TFEC: variants seen among roughly 807,000 people sequenced by gnomAD.
The protein encoded by TFEC is transcription factor EC, also known as class E basic helix-loop-helix protein 34.
In TFEC, 31 loss-of-function variants were observed where a neutral mutation model predicts 41.6. The ratio of observed to expected loss-of-function variants is 0.74; its 90% confidence interval spans 0.56 to 1.01. The LOEUF (loss-of-function observed/expected upper bound fraction) is 1.01, where lower values mean the gene tolerates loss of function less well. TFEC is among the 50% of genes least tolerant of loss of function. The pLI, the probability that TFEC is intolerant of heterozygous loss-of-function variation, is 0.00. For missense variants in TFEC, 402 were observed against 404.1 expected (o/e 0.99, Z 0.04); for synonymous variants, 143 against 140.6 (o/e 1.02, Z -0.12).
At chr7:116,041,568 G>A (rs73220421) in intron 3 of TFEC, among the ~76,000 whole-genome samples, 27,248 of 152,148 alleles carry the variant, frequency 0.18, 2,489 homozygotes, top group East Asian at 0.32. Flanking sequence ...ATCAAGAGCT[G>A]GTTATTAGCA....
intron 1 of TFEC, among the ~76,000 whole-genome samples, chr7:116,135,399 A>C (rs1048042400): frequency 6.6e-6 from 1 of 152,114 alleles, no homozygotes; most frequent in Non-Finnish European, 1.5e-5. Context: ...TTTATTCTCT[A>C]CCACATTTGG....
intron 1 of TFEC, among the ~76,000 whole-genome samples, chr7:116,146,801 A>C (rs189293569): frequency 3.3e-4 from 51 of 152,348 alleles, no homozygotes; most frequent in African/African-American, 1.2e-3. Flanking sequence ...CTTTTATAAT[A>C]ATCAGAAGAA....
chr7:115,940,620 A>G lies in TFEC; in HGVS notation c.975T>C (p.Thr325=), dbSNP rs747361248. 6.2e-7 allele frequency: 1 copy of G among 1,613,374 alleles called. No homozygotes were observed. Among genetic ancestry groups the G allele is most frequent in the Non-Finnish European group, 8.5e-7 (1 of 1,179,626 alleles). The change falls in exon 8 of 8, where the codon ACT becomes ACC. Residue 325 remains threonine, a synonymous_variant. Transcript: ENST00000265440. ...PFGTDPLLSA[T]SPAVSKESSR... ...TGCTTTCTTTGGAAACTGCAGGGGA[A>G]GTGGCAGATAGCAGAGGATCTGTTC...
chr7:115,956,742 T>C lies in TFEC; in HGVS notation c.319A>G (p.Ile107Val), dbSNP rs766134551. The C allele has an allele frequency of 2.7e-5, 44 of 1,610,682 alleles. No individual in the cohort carries two copies. The highest frequency in any genetic ancestry group is 3.4e-5 in the Non-Finnish European group (40 of 1,178,110). Residue 107 changes from isoleucine (I) to valine (V), a missense_variant, in exon 4 of 8, where the codon ATT becomes GTT. By Grantham distance (29) the Ile-to-Val change is conservative. Coordinates refer to ENST00000265440, the MANE Select transcript of TFEC (RefSeq NM_012252.4). The stretch of plus-strand genomic sequence containing the variant: ...GAAGCACTTGTAAGCCCCATGTTAA[T>C]TGGTGAAATTCCTTGTTCACCGCTA... ...VYSGEQGISP[I>V]NMGLTSASCP... is the part of the protein sequence containing the mutation.
chr7:115,978,514 C>T (rs1160058700), intron 2 of TFEC, among the ~76,000 whole-genome samples: 2 of 152,134 alleles, frequency 1.3e-5, no homozygotes, highest in Admixed American at 1.3e-4. Context: ...ATCACCTGAA[C>T]AATTTTTATT....
At chr7:116,011,602 A>T (rs1795003946) in intron 1 of TFEC, among the ~76,000 whole-genome samples, 2 of 152,174 alleles carry the variant, frequency 1.3e-5, no homozygotes, top group African/African-American at 4.8e-5. Flanking sequence ...AGGTATTAAC[A>T]ATATTATATG....
intron 3 of TFEC, among the ~76,000 whole-genome samples, chr7:116,038,694 G>A (rs1017338278): frequency 9.9e-5 from 15 of 152,112 alleles, no homozygotes; most frequent in African/African-American, 3.6e-4. Context: ...TCTCATGATT[G>A]ACATTGTAGC....
intron 3 of TFEC, among the ~76,000 whole-genome samples, chr7:116,093,650 A>T (rs934054856): frequency 2.0e-5 from 3 of 152,148 alleles, no homozygotes; most frequent in African/African-American, 7.2e-5. Context: ...TACATCTGCT[A>T]TGCCAAAAAT....
At chr7:116,100,202 A>C (rs974690945) in intron 3 of TFEC, among the ~76,000 whole-genome samples, 1 of 152,200 alleles carries the variant, frequency 6.6e-6, no homozygotes, top group African/African-American at 2.4e-5. Flanking sequence ...CAAGCCTTAA[A>C]CCACTATAGA....
At chr7:116,052,121 T>A (rs896570411) in intron 3 of TFEC, among the ~76,000 whole-genome samples, 2 of 150,442 alleles carry the variant, frequency 1.3e-5, no homozygotes, top group African/African-American at 4.9e-5. Flanking sequence ...ATGAGGGGAT[T>A]GGTCAAGGTA....
chr7:116,075,421 G>A (rs1382464575), intron 3 of TFEC, among the ~76,000 whole-genome samples: 17 of 152,096 alleles, frequency 1.1e-4, no homozygotes, highest in Admixed American at 1.0e-3. Flanking sequence ...CAGGCTCACT[G>A]AGACAGCAAA....
intron 1 of TFEC, chr7:116,120,055 A>T (rs1238677494): frequency 6.6e-6 from 1 of 151,312 alleles, no homozygotes; most frequent in Non-Finnish European, 1.5e-5. Context: ...TTTTGCAAAA[A>T]TATATTCGGT....
intron 1 of TFEC, among the ~76,000 whole-genome samples, chr7:116,128,341 C>T (rs1798257460): frequency 6.6e-6 from 1 of 152,028 alleles, no homozygotes; most frequent in Admixed American, 6.6e-5. Context: ...AAATAATTAT[C>T]AATTTAAAAT....
chr7:116,048,705 G>GA (rs1281756775), intron 3 of TFEC, among the ~76,000 whole-genome samples: 1 of 152,112 alleles, frequency 6.6e-6, no homozygotes, highest in East Asian at 1.9e-4. Context: ...TGAAATAAAG[G>GA]AAAAAATGTT....
chr7:116,111,709 T>A (rs1435323137), intron 2 of TFEC, among the ~76,000 whole-genome samples: 1 of 152,018 alleles, frequency 6.6e-6, no homozygotes, highest in Non-Finnish European at 1.5e-5. Flanking sequence ...TCAGAGTTTC[T>A]GGGAAAATAT....
rs117613239 is a variant in TFEC, at chr7:116,148,733, A to G, written c.-69+11057T>C. ...TCTTCGGGAATGTTGAGTTTGAAAC[A>G]TCTATTAGACATCAGTGTGTAGATG... On this transcript the variant is annotated intron_variant, in intron 1 of 8. Transcript: ENST00000484212. Among the ~76,000 whole-genome samples, 1,295 of 152,324 alleles carry G rather than the reference A, an allele frequency of 8.5e-3. 16 individuals are homozygous for G. The highest frequency in any genetic ancestry group is 0.011 in the Non-Finnish European group (730 of 68,030).
rs1793226404 is a variant in TFEC, at chr7:115,936,338, T to C, written c.*4213A>G. 1 of 151,672 alleles carries C rather than the reference T, an allele frequency of 6.6e-6. No individual in the cohort carries two copies. Among genetic ancestry groups the C allele is most frequent in the Non-Finnish European group, 1.5e-5 (1 of 67,634 alleles). 9.4% of individuals were successfully genotyped at this position (151,672 alleles called of 1,614,324 possible). A position where few individuals can be genotyped will look rare whatever the true frequency, so the allele number is the denominator to read the frequency against. On this transcript the variant is annotated 3_prime_UTR_variant, in exon 8 of 8. Coordinates refer to ENST00000265440, the MANE Select transcript of TFEC (RefSeq NM_012252.4). ...AAATGATGTAATTCCATGTAGCACA[T>C]AGAGACTATGCCATTATCAATACTG...
intron 1 of TFEC, among the ~76,000 whole-genome samples, chr7:116,142,811 A>G (rs1415086526): frequency 6.6e-6 from 1 of 152,192 alleles, no homozygotes; most frequent in Admixed American, 6.5e-5. Context: ...TATCTTTATA[A>G]TAAATTCCCC....
intron 3 of TFEC, among the ~76,000 whole-genome samples, chr7:116,040,906 A>T (rs1459282407): frequency 1.3e-5 from 2 of 152,234 alleles, no homozygotes; most frequent in East Asian, 3.8e-4. Context: ...ACAGAGTTCA[A>T]ATAGCAAAAT....
Sources: allele counts gnomAD v4.1 joint callset (sites outside exome capture counted in the v4.1 genomes callset), GRCh38; gene constraint gnomAD v4.1.1; transcripts MANE v1.5; gene names NCBI Gene and HGNC (gene_info 2026-07-23, HGNC 2026-07-21).